The following FER variants were observed in gnomAD, a reference collection of about 807,000 sequenced individuals.
FER encodes FER tyrosine kinase, also known as tyrosine-protein kinase Fer.
FER carries 63 observed loss-of-function variants against 111.0 expected under a neutral mutation model. The observed-to-expected ratio is 0.57, with a 90% confidence interval of 0.46 to 0.70. The LOEUF (loss-of-function observed/expected upper bound fraction) is 0.70, where lower values mean the gene tolerates loss of function less well. Ranked by LOEUF, FER falls within the 30% of genes least tolerant of loss-of-function variation. The pLI is 0.00. For synonymous variants in FER, 327 were observed against 313.9 expected (o/e 1.04, Z -0.44); for missense variants, 914 against 954.0 (o/e 0.96, Z 0.55).
At chr5:109,174,050 G>A (rs1757431636) in intron 17 of FER, among the ~76,000 whole-genome samples, 1 of 152,138 alleles carries the variant, frequency 6.6e-6, no homozygotes, top group South Asian at 2.1e-4. Flanking sequence ...GAACAGACAC[G>A]CTTCCATAAT....
chr5:108,799,294 C>T (rs547493871), intron 3 of FER, among the ~76,000 whole-genome samples: 72 of 152,268 alleles, frequency 4.7e-4, no homozygotes, highest in African/African-American at 1.7e-3. Context: ...TGGATTCTTG[C>T]TTTGTTACTT....
At chr5:108,822,127 C>T (rs538151471) in intron 3 of FER, among the ~76,000 whole-genome samples, 2 of 152,162 alleles carry the variant, frequency 1.3e-5, no homozygotes, top group Non-Finnish European at 2.9e-5. Flanking sequence ...GGCTTTTTCA[C>T]TTAGCATAAT....
chr5:109,179,176 TAA>T (rs1008577316), intron 17 of FER, among the ~76,000 whole-genome samples: 1 of 152,096 alleles, frequency 6.6e-6, no homozygotes, highest in Non-Finnish European at 1.5e-5. Context: ...GAAAAAGACA[TAA>T]GAGAAAACAC....
At chr5:109,025,640 A>G (rs1248835522) in intron 13 of FER, among the ~76,000 whole-genome samples, 1 of 151,398 alleles carries the variant, frequency 6.6e-6, no homozygotes, top group East Asian at 1.9e-4. Flanking sequence ...TGCCCTGGCC[A>G]GAACTTCCAA....
At chr5:108,898,231 G>T (rs1749437775) in intron 10 of FER, among the ~76,000 whole-genome samples, 1 of 151,976 alleles carries the variant, frequency 6.6e-6, no homozygotes, top group African/African-American at 2.4e-5. Flanking sequence ...GAGATTGCTG[G>T]TGTATTTATT....
intron 17 of FER, among the ~76,000 whole-genome samples, chr5:109,134,724 A>G (rs1312281000): frequency 6.6e-6 from 1 of 152,172 alleles, no homozygotes; most frequent in Non-Finnish European, 1.5e-5. Context: ...ATGAGTTCAC[A>G]ATCTGCTTTG....
rs189696839 is a variant in FER at position 109,192,498 on chromosome 5, C to A, written c.*4923C>A. On this transcript the variant is annotated 3_prime_UTR_variant, in exon 20 of 20. Coordinates refer to ENST00000281092, the MANE Select transcript of FER (RefSeq NM_005246.4). Reference sequence around the variant, plus strand: ...TTCCCAGCTCAGAGATGATTGTGTGCTGGGAAATGCTTATATTCATTATTT... The same window carrying A: ...TTCCCAGCTCAGAGATGATTGTGTGATGGGAAATGCTTATATTCATTATTT... 15 of 152,304 alleles carry A rather than the reference C, an allele frequency of 9.8e-5. No homozygotes were observed. The highest frequency in any genetic ancestry group is 2.1e-4 in the Non-Finnish European group (14 of 68,026). 9.4% of individuals were successfully genotyped at this position (152,304 alleles called of 1,614,324 possible). A position where few individuals can be genotyped will look rare whatever the true frequency, so the allele number is the denominator to read the frequency against.
At position 109,119,072 on chromosome 5, in the gene FER, G is replaced by C. The variant is rs565370340; in HGVS notation, c.2048+18553G>C. ...CTAGCTTTTGAATGTGTTTGCTCTT[G>C]TTTCTCTAGTTCTTTTAATTGTGAT... is the stretch of plus-strand genomic sequence containing the variant. On this transcript the variant is annotated intron_variant, in intron 17 of 19. Coordinates refer to ENST00000281092, the MANE Select transcript of FER (RefSeq NM_005246.4). 9.5e-4 allele frequency among the ~76,000 whole-genome samples: 144 copies of C among 151,966 alleles called. 1 individual carries two copies. The highest frequency in any genetic ancestry group is 1.6e-3 in the Non-Finnish European group (107 of 67,942).
In FER at chr5:108,945,176, A is replaced by C. The variant is rs557648294; in HGVS notation, c.1237-954A>C. Among the ~76,000 whole-genome samples, 6 of 152,286 alleles carry C rather than the reference A, an allele frequency of 3.9e-5. No individual in the cohort carries two copies. The East Asian group carries it at 1.2e-3, about 29-fold the overall frequency. On this transcript the variant is annotated intron_variant, in intron 10 of 19. Coordinates refer to ENST00000281092, the MANE Select transcript of FER (RefSeq NM_005246.4). ...TTTTCCAGAAGTAAAATTTGGCATC[A>C]CTAATGCTGGAAGACATACGGAATT...
chr5:109,096,335 A>G (rs1026725422), intron 16 of FER, among the ~76,000 whole-genome samples: 6 of 152,030 alleles, frequency 3.9e-5, no homozygotes, highest in Non-Finnish European at 8.8e-5. Context: ...ATATTATCTT[A>G]TCCGTTAGAT....
intron 13 of FER, among the ~76,000 whole-genome samples, chr5:109,035,055 T>TTA (rs1770178196): frequency 6.7e-6 from 1 of 148,348 alleles, no homozygotes; most frequent in Non-Finnish European, 1.5e-5. Context: ...TTTTTTTTTT[T>TTA]ACTGAGTCTC....
chr5:109,165,035 T>C lies in FER; in HGVS notation c.2049-15712T>C, dbSNP rs57951030. Among the ~76,000 whole-genome samples the C allele has an allele frequency of 7.6e-3, 1,164 of 152,262 alleles. 10 individuals carry two copies. The highest frequency in any genetic ancestry group is 0.027 in the African/African-American group (1,103 of 41,550). On this transcript the variant is annotated intron_variant, in intron 17 of 19. Transcript: ENST00000281092. ...GAGTAATTCTTTTTTATGTGTGCTA[T>C]TTGATGATGTATTATTTAACTAGGT...
chr5:109,100,490 G>A lies in FER; in HGVS notation c.2019G>A (p.Leu673=), dbSNP rs753788570. 2 of 1,611,042 alleles carry A rather than the reference G, an allele frequency of 1.2e-6. No individual in the cohort carries two copies. Among genetic ancestry groups the A allele is most frequent in the East Asian group, 2.2e-5 (1 of 44,732 alleles). ...CATTAGACGCTGCTGCTGGTATGTT[G>A]TATCTCGAGAGTAAAAACTGTATAC... ...KFSLDAAAGM[L]YLESKNCIHR... The change falls in exon 17 of 20, where the codon TTG becomes TTA. Residue 673 remains leucine (L), a synonymous_variant. Transcript: ENST00000281092.
At chr5:109,121,341 A>G (rs1395217294) in intron 17 of FER, among the ~76,000 whole-genome samples, 1 of 152,184 alleles carries the variant, frequency 6.6e-6, no homozygotes, top group Non-Finnish European at 1.5e-5. Context: ...TTCAACATCA[A>G]TTGAAATGAT....
At chr5:109,186,364 C>CAGGGGTAGGCAG in intron 19 of FER, 42 bp downstream of exon 19, 2 of 1,613,802 alleles carry the variant, frequency 1.2e-6, no homozygotes, top group Non-Finnish European at 1.7e-6. Flanking sequence ...TGTCCAGCCC[C>CAGGGGTAGGCAG]AGGGGTAGGC....
intron 17 of FER, among the ~76,000 whole-genome samples, chr5:109,126,862 AG>A (rs1751794074): frequency 6.6e-6 from 1 of 152,218 alleles, no homozygotes; most frequent in African/African-American, 2.4e-5. Flanking sequence ...ATGGAAGTAT[AG>A]GAAGTCAGGA....
Position 108,940,573 on chromosome 5 carries a change from G to A in FER, c.1237-5557G>A, listed in dbSNP as rs1239344713. 5.3e-5 allele frequency among the ~76,000 whole-genome samples: 8 copies of A among 152,138 alleles called. No individual in the cohort carries two copies. In the East Asian group the frequency reaches 1.5e-3, roughly 29 times the overall value. On this transcript the variant is annotated intron_variant, in intron 10 of 19. Coordinates refer to ENST00000281092, the MANE Select transcript of FER (RefSeq NM_005246.4). The stretch of plus-strand genomic sequence containing the variant: ...ACCCATGATTACTTTCATCCTCGGT[G>A]GAACTGTATGAGCAGATCAATCCTC...
intron 17 of FER, among the ~76,000 whole-genome samples, chr5:109,157,526 T>C (rs1488820595): frequency 6.6e-6 from 1 of 152,108 alleles, no homozygotes; most frequent in Non-Finnish European, 1.5e-5. Context: ...GTTTTTTTTT[T>C]CTGATATCGA....
intron 4 of FER, among the ~76,000 whole-genome samples, chr5:108,833,822 G>A (rs1174911860): frequency 1.3e-5 from 2 of 151,140 alleles, no homozygotes; most frequent in South Asian, 2.1e-4. Context: ...TGCAGTGAGC[G>A]GAGATCGCAC....
Sources: allele counts gnomAD v4.1 joint callset (sites outside exome capture counted in the v4.1 genomes callset), GRCh38; gene constraint gnomAD v4.1.1; transcripts MANE v1.5; gene names NCBI Gene and HGNC (gene_info 2026-07-23, HGNC 2026-07-21).